Variants in GALNT13 observed in about 807,000 individuals in gnomAD.
GALNT13 encodes the protein UDP-GalNAc:polypeptide N-acetylgalactosaminyltransferase 13.
A neutral mutation model predicts 64.2 loss-of-function variants in GALNT13; 28 were observed. The ratio of observed to expected loss-of-function variants is 0.44; its 90% confidence interval spans 0.32 to 0.60. GALNT13 has a LOEUF of 0.60. GALNT13 is among the 20% of genes least tolerant of loss of function. The pLI is 0.05. For missense variants in GALNT13, 577 were observed against 669.8 expected, an observed-to-expected ratio of 0.86 and a Z score of 1.53; for synonymous variants, 214 against 224.6, an observed-to-expected ratio of 0.95 and a Z score of 0.42.
At chr2:154,292,918 A>G (rs1488895055) in intron 8 of GALNT13, among the ~76,000 whole-genome samples, 1 of 152,188 alleles carries the variant, frequency 6.6e-6, no homozygotes, top group Non-Finnish European at 1.5e-5. Context: ...CATGAAAAGG[A>G]TAAAGTATGT....
chr2:153,455,140 A>C, the GALNT13 span, among the ~76,000 whole-genome samples: 1 of 152,150 alleles, frequency 6.6e-6, no homozygotes, highest in Non-Finnish European at 1.5e-5. Context: ...GTTTTAGGTG[A>C]TGCTTGCATT....
chr2:154,114,609 C>T (rs1703180183), intron 3 of GALNT13, among the ~76,000 whole-genome samples: 1 of 152,048 alleles, frequency 6.6e-6, no homozygotes, highest in African/African-American at 2.4e-5. Flanking sequence ...ACCGGGACTC[C>T]CCTTCATTCA....
At chr2:154,381,012 C>T (rs1698244058) in intron 9 of GALNT13, among the ~76,000 whole-genome samples, 2 of 151,978 alleles carry the variant, frequency 1.3e-5, no homozygotes, top group Non-Finnish European at 2.9e-5. Context: ...AATAGAGTTC[C>T]TGCTAACAAG....
intron 11 of GALNT13, among the ~76,000 whole-genome samples, chr2:154,410,204 T>C (rs1407719695): frequency 1.3e-5 from 2 of 151,914 alleles, no homozygotes; most frequent in Non-Finnish European, 2.9e-5. Context: ...TTTCACTGAT[T>C]CATAATGAAT....
At chr2:154,054,373 T>G (rs2105353468) in intron 3 of GALNT13, among the ~76,000 whole-genome samples, 1 of 152,168 alleles carries the variant, frequency 6.6e-6, no homozygotes, top group Admixed American at 6.5e-5. Flanking sequence ...TGAACTGACA[T>G]TCTTTTCCTC....
chr2:154,114,861 G>T (rs901379792), intron 3 of GALNT13, among the ~76,000 whole-genome samples: 1 of 152,310 alleles, frequency 6.6e-6, no homozygotes, highest in Non-Finnish European at 1.5e-5. Context: ...TGCCTCTGCT[G>T]TTTATTACAG....
the GALNT13 span, among the ~76,000 whole-genome samples, chr2:153,384,006 CAG>C: frequency 0.26 from 39,996 of 151,804 alleles, 6,781 homozygotes; most frequent in Non-Finnish European, 0.39. Flanking sequence ...GAATTCACAT[CAG>C]AACTTTGAAA....
At chr2:154,118,539 C>G (rs757769197) in intron 3 of GALNT13, among the ~76,000 whole-genome samples, 11 of 151,374 alleles carry the variant, frequency 7.3e-5, no homozygotes, top group African/African-American at 1.7e-4. Context: ...CGAGTAAGGA[C>G]TTACTACTGT....
chr2:153,792,970 CTTTTTTTT>C, the GALNT13 span, among the ~76,000 whole-genome samples: 369 of 132,250 alleles, frequency 2.8e-3, no homozygotes, highest in Non-Finnish European at 4.1e-3. Flanking sequence ...TTCTTTCTTT[CTTTTTTTT>C]TTTTTTTTTT....
chr2:153,765,215 A>C, the GALNT13 span, among the ~76,000 whole-genome samples: 4 of 152,184 alleles, frequency 2.6e-5, no homozygotes, highest in African/African-American at 9.6e-5. Flanking sequence ...GACAGCTTTC[A>C]CTGCACCTGG....
chr2:154,315,358 A>G (rs1239509861), intron 9 of GALNT13, among the ~76,000 whole-genome samples: 5 of 152,216 alleles, frequency 3.3e-5, no homozygotes, highest in Non-Finnish European at 7.3e-5. Flanking sequence ...AGAATGCTAG[A>G]CAATGGATCC....
chr2:154,025,544 A>G (rs1318729665), intron 3 of GALNT13, among the ~76,000 whole-genome samples: 3 of 61,236 alleles, frequency 4.9e-5, no homozygotes, highest in Non-Finnish European at 1.1e-4. Context: ...TTTCGAAGGC[A>G]TGGTTTTATT....
chr2:153,616,493 A>G, the GALNT13 span, among the ~76,000 whole-genome samples: 1 of 151,904 alleles, frequency 6.6e-6, no homozygotes, highest in Non-Finnish European at 1.5e-5. Flanking sequence ...TAGGGATTTC[A>G]TTGAATCTAT....
chr2:153,962,361 G>GATACGTCTATTCC (rs1693007185), intron 3 of GALNT13, among the ~76,000 whole-genome samples: 1 of 152,196 alleles, frequency 6.6e-6, no homozygotes, highest in Non-Finnish European at 1.5e-5. Flanking sequence ...TATGTGGAAT[G>GATACGTCTATTCC]AATCAGTACA....
At chr2:154,306,299 CT>C (rs1369453427) in intron 9 of GALNT13, among the ~76,000 whole-genome samples, 2 of 152,082 alleles carry the variant, frequency 1.3e-5, no homozygotes, top group African/African-American at 4.8e-5. Context: ...TATCCCTCCC[CT>C]AACCCCCAAC....
At chr2:153,685,290 T>C in the GALNT13 span, among the ~76,000 whole-genome samples, 1 of 151,732 alleles carries the variant, frequency 6.6e-6, no homozygotes, top group Non-Finnish European at 1.5e-5. Context: ...AGTTTTTTCT[T>C]GTATACTCCT....
Position 154,450,612 on chromosome 2 carries a change from G to T in GALNT13, c.*61G>T. ...TTTTGTTTTTCCATTATTTCAATTG[G>T]GGGAAAATATTAACTTTGCTGAATT... is the stretch of plus-strand genomic sequence containing the variant. On this transcript the variant is annotated 3_prime_UTR_variant, in exon 13 of 13. Transcript: ENST00000392825. 7.1e-7 allele frequency: 1 copy of T among 1,398,620 alleles called. No homozygotes were observed. Among genetic ancestry groups the T allele is most frequent in the South Asian group, 1.5e-5 (1 of 65,850 alleles). 86.6% of individuals were successfully genotyped at this position (1,398,620 alleles called of 1,614,324 possible).
At chr2:153,928,378 A>G (rs2105351136) in intron 2 of GALNT13, among the ~76,000 whole-genome samples, 1 of 152,274 alleles carries the variant, frequency 6.6e-6, no homozygotes, top group African/African-American at 2.4e-5. Flanking sequence ...CTCAGTGGAA[A>G]CATTTATTTT....
the GALNT13 span, among the ~76,000 whole-genome samples, chr2:153,556,298 TTGTGTATCATTTA>T: frequency 6.6e-6 from 1 of 152,204 alleles, no homozygotes; most frequent in Non-Finnish European, 1.5e-5. Context: ...AAGAGAAATT[TTGTGTATCATTTA>T]TGTGTTTATT....
Sources: allele counts gnomAD v4.1 joint callset (sites outside exome capture counted in the v4.1 genomes callset), GRCh38; gene constraint gnomAD v4.1.1; transcripts MANE v1.5; gene names NCBI Gene and HGNC (gene_info 2026-07-23, HGNC 2026-07-21).